The following SMOX variants were observed in gnomAD, a reference collection of about 807,000 sequenced individuals.
The protein encoded by SMOX is spermine oxidase.
A neutral mutation model predicts 51.0 loss-of-function variants in SMOX; 22 were observed. The observed-to-expected ratio is 0.43, with a 90% CI of 0.31 to 0.62. SMOX has a LOEUF of 0.62. SMOX is among the 20% of genes least tolerant of loss of function. SMOX has a pLI of 0.10. For synonymous variants in SMOX, 282 were observed against 307.8 expected (o/e 0.92, Z 0.88); for missense variants, 566 against 777.7 (o/e 0.73, Z 3.24).
intron 1 of SMOX, among the ~76,000 whole-genome samples, chr20:4,171,177 A>C (rs1007889860): frequency 2.0e-5 from 3 of 152,032 alleles, no homozygotes; most frequent in East Asian, 1.9e-4. Flanking sequence ...AGCGGATGTT[A>C]TTTCTTTCTT....
At chr20:4,173,163 G>A (rs185727986) in intron 1 of SMOX, among the ~76,000 whole-genome samples, 1 of 152,278 alleles carries the variant, frequency 6.6e-6, no homozygotes, top group East Asian at 1.9e-4. Context: ...CGTGCACTGG[G>A]TACCCACCCT....
intron 1 of SMOX, among the ~76,000 whole-genome samples, chr20:4,174,237 G>A (rs551921371): frequency 6.6e-6 from 1 of 151,098 alleles, no homozygotes; most frequent in Admixed American, 6.5e-5. Context: ...AGGGGCAAGG[G>A]AAAGAGAGAG....
chr20:4,176,972 A>G (rs1978905445), intron 2 of SMOX, among the ~76,000 whole-genome samples: 1 of 152,172 alleles, frequency 6.6e-6, no homozygotes. Context: ...AGAATTGAAA[A>G]AGGCCAGGTG....
In SMOX at chr20:4,187,420, C is replaced by CT. The variant is rs769758694; in HGVS notation, c.*14dup. ...GCAGGGGACCTGAGGGCTGTCCTCG[C>CT]TGCTGAGAAGAGCCACTAACTCGTG... On this transcript the variant is annotated 3_prime_UTR_variant, in exon 7 of 7. Transcript: ENST00000305958. The surrounding 1 kb of genome is among the most constrained non-coding windows in gnomAD (Gnocchi z 4.8). 6.2e-7 allele frequency: 1 copy of CT among 1,610,624 alleles called. No individual in the cohort carries two copies. The highest frequency in any genetic ancestry group is 8.5e-7 in the Non-Finnish European group (1 of 1,177,600).
At chr20:4,150,824 C>CT (rs753050845) in intron 1 of SMOX, among the ~76,000 whole-genome samples, 28,780 of 106,822 alleles carry the variant, frequency 0.27, 4,532 homozygotes, top group East Asian at 0.34. Flanking sequence ...CATCTACTCA[C>CT]TTTTTTTTTT....
rs753275327 is a variant in SMOX, at chr20:4,153,709, G to C, written c.-27+4732G>C. On this transcript the variant is annotated intron_variant, in intron 1 of 6. Transcript: ENST00000305958. The surrounding 1 kb of genome is among the most constrained non-coding windows in gnomAD (Gnocchi z 4.4). ...GAAACTGAGGCACAGGGAAAACATT[G>C]CTGTTGGAAGCTCACCAGCCTTCAT... 3.3e-5 allele frequency among the ~76,000 whole-genome samples: 5 copies of C among 152,194 alleles called. No individual in the cohort carries two copies. The highest frequency in any genetic ancestry group is 7.3e-5 in the Non-Finnish European group (5 of 68,032).
At position 4,167,898 on chromosome 20, in the gene SMOX, G is replaced by A. The variant is rs943187772; in HGVS notation, c.-26-7132G>A. ...GTTGAGGGGTGGGAGGAGCCTCACC[G>A]CAGACACAGAGCCCCTTTGTCTGGG... On this transcript the variant is annotated intron_variant, in intron 1 of 6. Coordinates refer to ENST00000305958, the MANE Select transcript of SMOX (RefSeq NM_175839.3). This position sits in a 1 kb window ranked among gnomAD's most constrained non-coding sequence, Gnocchi z 4.8. 6.6e-6 allele frequency among the ~76,000 whole-genome samples: 1 copy of A among 152,034 alleles called. No individual in the cohort carries two copies. The highest frequency in any genetic ancestry group is 2.1e-4 in the South Asian group (1 of 4,822).
rs1385070933 is a variant in SMOX at position 4,149,007 on chromosome 20, C to G, written c.-27+30C>G. 6.6e-6 allele frequency: 1 copy of G among 151,498 alleles called. No homozygotes were observed. The highest frequency in any genetic ancestry group is 1.5e-5 in the Non-Finnish European group (1 of 67,760). The allele number at this position is 151,498 out of a possible 1,614,324, so 9.4% of individuals were successfully genotyped here. On this transcript the variant is annotated intron_variant, in intron 1 of 6. Transcript: ENST00000305958. This position sits in a 1 kb window ranked among gnomAD's most constrained non-coding sequence, Gnocchi z 6.0. ...GGTGCGCCCGCTCTCCGGCCCCGGGCCCCGGCTCTCAGCCTCCCCCGGGCG... is the reference window on the plus strand; with the variant it reads ...GGTGCGCCCGCTCTCCGGCCCCGGGGCCCGGCTCTCAGCCTCCCCCGGGCG...
At chr20:4,159,973 C>T (rs1023614462) in intron 1 of SMOX, among the ~76,000 whole-genome samples, 2 of 152,330 alleles carry the variant, frequency 1.3e-5, no homozygotes, top group African/African-American at 2.4e-5. Context: ...GGGAAGGTCT[C>T]GGGCCAGTGA....
At chr20:4,158,874 C>T (rs60920564) in intron 1 of SMOX, among the ~76,000 whole-genome samples, 7,029 of 152,084 alleles carry the variant, frequency 0.046, 190 homozygotes, top group African/African-American at 0.076. Context: ...TCCTTGCAGG[C>T]TGAGTTGGCT....
Position 4,177,387 on chromosome 20 carries a change from A to C in SMOX, c.245A>C (p.His82Pro). Reference sequence around the variant, plus strand: ...TTTGAGCTGGGAGCCACCTGGATCCATGGCTCCCATGGGAACCCTATCTAT... The same window carrying C: ...TTTGAGCTGGGAGCCACCTGGATCCCTGGCTCCCATGGGAACCCTATCTAT... Reference protein sequence around the residue: ...ATFELGATWIHGSHGNPIYHL... With the variant: ...ATFELGATWIPGSHGNPIYHL... Residue 82 changes from histidine (H) to proline (P), a missense_variant, in exon 3 of 7, where the codon CAT becomes CCT. Physicochemically the swap from His to Pro is moderately conservative, Grantham distance 77. This residue lies in a region of SMOX where 217 missense variants were observed against 278.4 expected (regional missense o/e 0.78). Transcript: ENST00000305958. The surrounding 1 kb of genome is among the most constrained non-coding windows in gnomAD (Gnocchi z 4.3). 2 of 1,554,068 alleles carry C rather than the reference A, an allele frequency of 1.3e-6. No individual in the cohort carries two copies. Among genetic ancestry groups the C allele is most frequent in the Non-Finnish European group, 1.7e-6 (2 of 1,148,146 alleles).
rs968569793 is a variant in SMOX at position 4,153,791 on chromosome 20, G to A, written c.-27+4814G>A. Among the ~76,000 whole-genome samples the A allele has an allele frequency of 6.6e-6, 1 of 152,162 alleles. No homozygotes were observed. Among genetic ancestry groups the A allele is most frequent in the African/African-American group, 2.4e-5 (1 of 41,442 alleles). Reference sequence around the variant, plus strand: ...GGGAGCATGGGGGAGGCCTGTCCACGGTGCCCAAGTCCTTGTCTGCTGAGT... The same window carrying A: ...GGGAGCATGGGGGAGGCCTGTCCACAGTGCCCAAGTCCTTGTCTGCTGAGT... On this transcript the variant is annotated intron_variant, in intron 1 of 6. Coordinates refer to ENST00000305958, the MANE Select transcript of SMOX (RefSeq NM_175839.3). The surrounding 1 kb of genome is among the most constrained non-coding windows in gnomAD (Gnocchi z 4.4).
chr20:4,165,400 A>C (rs563228420), intron 1 of SMOX, among the ~76,000 whole-genome samples: 2 of 152,000 alleles, frequency 1.3e-5, no homozygotes, highest in African/African-American at 4.8e-5. Context: ...GGGTCTTGCT[A>C]TGTTGCCCAG....
rs28419677 is a variant in SMOX, at chr20:4,187,470, G to A, written c.*63G>A. ...GACCTCCAGCCTGCCCCTTGCTGCC[G>A]TGTGCTCCTGCCTTCCTGATCCTCT... On this transcript the variant is annotated 3_prime_UTR_variant, in exon 7 of 7. Transcript: ENST00000305958. The surrounding 1 kb of genome is among the most constrained non-coding windows in gnomAD (Gnocchi z 4.8). 1.7e-3 allele frequency: 2,680 copies of A among 1,580,756 alleles called. 36 individuals carry two copies. In the African/African-American group the frequency reaches 0.032, roughly 19 times the overall value.
chr20:4,151,257 C>T (rs1468016502), intron 1 of SMOX, among the ~76,000 whole-genome samples: 1 of 151,416 alleles, frequency 6.6e-6, no homozygotes, highest in Non-Finnish European at 1.5e-5. Flanking sequence ...GTTAAGGCCC[C>T]AGGCTACCTG....
chr20:4,186,593 C>A, intron 6 of SMOX: 1 of 601,688 alleles, frequency 1.7e-6, no homozygotes, highest in Non-Finnish European at 3.0e-6. Flanking sequence ...CTTCCGAGAA[C>A]CAGTTCAAAG....
intron 1 of SMOX, among the ~76,000 whole-genome samples, chr20:4,161,620 T>A (rs58947067): frequency 0.035 from 5,339 of 152,038 alleles, 323 homozygotes; most frequent in African/African-American, 0.12. Flanking sequence ...CCCCAGGAGG[T>A]TGACACAGCA....
At chr20:4,184,292 G>A (rs1979574179) in intron 6 of SMOX, among the ~76,000 whole-genome samples, 1 of 151,662 alleles carries the variant, frequency 6.6e-6, no homozygotes, top group Non-Finnish European at 1.5e-5. Context: ...CACCACACTT[G>A]GCCAATACAG....
At chr20:4,173,357 C>T (rs1024954237) in intron 1 of SMOX, among the ~76,000 whole-genome samples, 2 of 152,232 alleles carry the variant, frequency 1.3e-5, no homozygotes, top group South Asian at 4.1e-4. Context: ...TTGCTCAGTG[C>T]GTGATTGAGG....
Sources: gnomAD v4.1 joint callset for allele counts (sites outside exome capture counted in the v4.1 genomes callset) on GRCh38, gnomAD v4.1.1 for gene constraint, gnomAD v4.1.1 regional missense constraint, Gnocchi (gnomAD v3.1) non-coding constraint, MANE v1.5 for transcripts, NCBI Gene and HGNC (gene_info 2026-07-23, HGNC 2026-07-21) for gene names.